The following REST variants were observed in gnomAD, a reference collection of about 807,000 sequenced individuals.
REST encodes RE1-silencing transcription factor.
A neutral mutation model predicts 30.4 loss-of-function variants in REST; 1 was observed. That is an observed-to-expected ratio of 0.03 (90% CI 0.01 to 0.16). REST has a LOEUF of 0.16. Among genes scored for constraint, REST ranks in the 10% least tolerant of loss-of-function variants. REST has a pLI of 1.00. For missense variants in REST, 1,259 were observed against 1,329.5 expected, an observed-to-expected ratio of 0.95 and a Z score of 0.82; for synonymous variants, 504 against 451.1, an observed-to-expected ratio of 1.12 and a Z score of -1.49.
chr4:56,930,605 A>C lies in REST; in HGVS notation c.1747A>C (p.Thr583Pro). The C allele has an allele frequency of 1.2e-6, 2 of 1,612,832 alleles. No individual in the cohort carries two copies. Among genetic ancestry groups the C allele is most frequent in the Non-Finnish European group, 1.7e-6 (2 of 1,179,864 alleles). The stretch of plus-strand genomic sequence containing the variant: ...CATGAAAAAAAGTACAAAGAAGAAA[A>C]CTCTGAAAAATAAATCAAGTAAGAA... ...TCMKKSTKKKTLKNKSSKKSS... is the reference protein window; with the variant it reads ...TCMKKSTKKKPLKNKSSKKSS... Residue 583 changes from threonine to proline, a missense_variant, in exon 4 of 4, where the codon ACT (threonine) becomes CCT (proline). Transcript: ENST00000309042.
chr4:56,915,513 G>A (rs1720157559), intron 2 of REST, among the ~76,000 whole-genome samples: 2 of 151,752 alleles, frequency 1.3e-5, no homozygotes, highest in South Asian at 4.2e-4. Context: ...CTCTCAAGGT[G>A]CTGGAATTAC....
chr4:56,926,629 C>T (rs573860588), intron 3 of REST, among the ~76,000 whole-genome samples: 57 of 151,544 alleles, frequency 3.8e-4, no homozygotes, highest in African/African-American at 1.3e-3. Context: ...CAGGCGTGAC[C>T]CACCGCGCCC....
chr4:56,915,239 T>TGTG (rs56125896), intron 2 of REST, among the ~76,000 whole-genome samples: 1 of 95,584 alleles, frequency 1.0e-5, no homozygotes, highest in African/African-American at 4.5e-5. Flanking sequence ...TGTGTGTGTG[T>TGTG]ATTTTTTTTT....
chr4:56,926,291 T>TCTCCAACTCCTGAC (rs1254446515), intron 3 of REST, among the ~76,000 whole-genome samples: 1 of 152,072 alleles, frequency 6.6e-6, no homozygotes, highest in African/African-American at 2.4e-5. Flanking sequence ...CGGCTCCTGG[T>TCTCCAACTCCTGAC]CTCCAACTCC....
intron 2 of REST, among the ~76,000 whole-genome samples, chr4:56,917,516 T>C (rs1346356839): frequency 6.6e-6 from 1 of 152,158 alleles, no homozygotes; most frequent in East Asian, 1.9e-4. Context: ...CTTTTCCTTA[T>C]TTTATTAGAC....
chr4:56,911,357 G>A lies in REST; in HGVS notation c.719G>A (p.Arg240Lys), dbSNP rs1246760297. Residue 240 changes from arginine to lysine, a missense_variant, in exon 2 of 4, where the codon AGA becomes AAA. Coordinates refer to ENST00000309042, the MANE Select transcript of REST (RefSeq NM_005612.5). ...ACAGCACACCTGAAACACCACACCA[G>A]AGCTGGGGATAATGAGCGAGTCTAC... is the stretch of plus-strand genomic sequence containing the variant. ...HYTAHLKHHT[R>K]AGDNERVYKC... The A allele has an allele frequency of 6.2e-7, 1 of 1,614,062 alleles. No individual in the cohort carries two copies. Among genetic ancestry groups the A allele is most frequent in the African/African-American group, 1.3e-5 (1 of 74,912 alleles).
Position 56,930,626 on chromosome 4 carries a change from A to G in REST, c.1768A>G (p.Lys590Glu). The G allele has an allele frequency of 6.2e-7, 1 of 1,613,090 alleles. No homozygotes were observed. The highest frequency in any genetic ancestry group is 8.5e-7 in the Non-Finnish European group (1 of 1,179,904). The change falls in exon 4 of 4, where the codon AAG (lysine) becomes GAG (glutamate). Residue 590 changes from lysine to glutamate, a missense_variant. Around this residue, in one of 5 missense-constraint regions of REST, gnomAD observed 856 missense variants for 772.8 expected, o/e 1.11. Coordinates refer to ENST00000309042, the MANE Select transcript of REST (RefSeq NM_005612.5). ...KKKTLKNKSS[K>E]KSSKPPQKEP... ...GAAAACTCTGAAAAATAAATCAAGT[A>G]AGAAAAGCAGTAAGCCTCCTCAGAA...
At chr4:56,922,598 C>A (rs936289851) in intron 3 of REST, among the ~76,000 whole-genome samples, 1 of 152,166 alleles carries the variant, frequency 6.6e-6, no homozygotes, top group Non-Finnish European at 1.5e-5. Context: ...CAGGCGTGAG[C>A]CACTGCTCCC....
chr4:56,926,411 C>T (rs1181340924), intron 3 of REST, among the ~76,000 whole-genome samples: 1 of 150,934 alleles, frequency 6.6e-6, no homozygotes, highest in Non-Finnish European at 1.5e-5. Context: ...GAGTCTTGCT[C>T]TGTTGCCCAG....
At chr4:56,922,739 G>T (rs1374792559) in intron 3 of REST, among the ~76,000 whole-genome samples, 1 of 152,148 alleles carries the variant, frequency 6.6e-6, no homozygotes, top group African/African-American at 2.4e-5. Context: ...TTTTCCTGTA[G>T]AATGTCCTTC....
chr4:56,917,284 A>G (rs939003687), intron 2 of REST, among the ~76,000 whole-genome samples: 2 of 152,186 alleles, frequency 1.3e-5, no homozygotes, highest in African/African-American at 4.8e-5. Flanking sequence ...CAGAATAGTT[A>G]TGAGGAACAC....
In REST at chr4:56,930,859, G is replaced by T. The variant is rs534454051; in HGVS notation, c.2001G>T (p.Leu667=). The T allele has an allele frequency of 6.2e-7, 1 of 1,613,128 alleles. No homozygotes were observed. The highest frequency in any genetic ancestry group is 2.2e-5 in the East Asian group (1 of 44,806). The stretch of plus-strand genomic sequence containing the variant: ...AGGGGCCTGCTCAGAAGGAGCTGCT[G>T]CCTCCCGTGGAGCCTGCTCAGATGG... ...VQEGPAQKEL[L]PPVEPAQMVG... Residue 667 remains leucine (L), a synonymous_variant, in exon 4 of 4, where the codon CTG becomes CTT. Transcript: ENST00000309042.
At chr4:56,908,509 T>G (rs1161980833) in intron 1 of REST, among the ~76,000 whole-genome samples, 1 of 151,284 alleles carries the variant, frequency 6.6e-6, no homozygotes, top group African/African-American at 2.4e-5. Flanking sequence ...GCCCGGACGC[T>G]CCACCGAGTC....
intron 3 of REST, among the ~76,000 whole-genome samples, chr4:56,923,475 G>A (rs1458174215): frequency 2.6e-5 from 4 of 151,950 alleles, no homozygotes; most frequent in Admixed American, 2.6e-4. Flanking sequence ...AGACAGTTTC[G>A]CTCTTGTCAC....
At chr4:56,914,666 G>GTA (rs1457425389) in intron 2 of REST, among the ~76,000 whole-genome samples, 10 of 152,196 alleles carry the variant, frequency 6.6e-5, no homozygotes, top group East Asian at 5.8e-4. Flanking sequence ...TCATAAATAA[G>GTA]TACACCATAT....
intron 3 of REST, chr4:56,927,531 A>G (rs1720768319): frequency 2.0e-6 from 1 of 494,382 alleles, no homozygotes; most frequent in African/African-American, 2.1e-5. Context: ...TTTTAGTACA[A>G]TTTGATATGA....
chr4:56,909,294 T>A (rs2109519144), intron 1 of REST: 1 of 152,460 alleles, frequency 6.6e-6, no homozygotes, highest in South Asian at 2.1e-4. Flanking sequence ...CTGCTTTGTG[T>A]TTGGTATTTT....
In REST at chr4:56,930,180, T is replaced by C; in HGVS notation, c.1322T>C (p.Ile441Thr). 4.3e-6 allele frequency: 7 copies of C among 1,609,610 alleles called. No homozygotes were observed. The highest frequency in any genetic ancestry group is 5.9e-6 in the Non-Finnish European group (7 of 1,179,084). The change falls in exon 4 of 4, where the codon ATT becomes ACT. Residue 441 changes from isoleucine (I) to threonine (T), a missense_variant. Transcript: ENST00000309042. ...KKREADLPDN[I>T]TNEKTEIEQT... ...CGAGAGGCTGACTTGCCTGATAATA[T>C]TACCAATGAAAAAACAGAAATAGAA...
rs1158545284 is a variant in REST, at chr4:56,931,747, T to C, written c.2889T>C (p.Asn963=). The part of the protein sequence containing the change: ...QNTRENLTGI[N]STVEEPVSPM... ...CAAGAGAGAATCTCACTGGTATAAA[T>C]TCAACAGTTGAAGAACCAGTTTCAC... Residue 963 remains asparagine, a synonymous_variant, in exon 4 of 4, where the codon AAT becomes AAC. Coordinates refer to ENST00000309042, the MANE Select transcript of REST (RefSeq NM_005612.5). 6.2e-7 allele frequency: 1 copy of C among 1,614,208 alleles called. No homozygotes were observed. The highest frequency in any genetic ancestry group is 8.5e-7 in the Non-Finnish European group (1 of 1,180,030).
Sources: gnomAD v4.1 joint callset for allele counts (sites outside exome capture counted in the v4.1 genomes callset) on GRCh38, gnomAD v4.1.1 for gene constraint, gnomAD v4.1.1 regional missense constraint, MANE v1.5 for transcripts, NCBI Gene and HGNC (gene_info 2026-07-23, HGNC 2026-07-21) for gene names.